Variants in SPEG observed in about 807,000 individuals in gnomAD.
SPEG encodes the protein striated muscle preferentially expressed protein kinase.
Under a neutral mutation model 300.4 loss-of-function variants are expected in SPEG, and 114 were observed. The observed-to-expected ratio is 0.38, with a 90% CI of 0.33 to 0.44. The LOEUF is 0.44. Ranked by LOEUF, SPEG falls within the 20% of genes least tolerant of loss-of-function variation. The pLI is 1.00. For synonymous variants in SPEG, 1,964 were observed against 2,018.9 expected, an observed-to-expected ratio of 0.97 and a Z score of 0.73; for missense variants, 4,201 against 4,586.2, an observed-to-expected ratio of 0.92 and a Z score of 2.43.
chr2:219,483,174 T>G lies in SPEG; in HGVS notation c.5711T>G (p.Val1904Gly). 6.2e-7 allele frequency: 1 copy of G among 1,609,400 alleles called. No homozygotes were observed. Among genetic ancestry groups the G allele is most frequent in the South Asian group, 1.1e-5 (1 of 90,756 alleles). Residue 1904 changes from valine to glycine, a missense_variant, in exon 30 of 41, where the codon GTG becomes GGG. Physicochemically the swap from Val to Gly is moderately radical, Grantham distance 109 (BLOSUM62 -3). Coordinates refer to ENST00000312358, the MANE Select transcript of SPEG (RefSeq NM_005876.5). The part of the protein sequence containing the change: ...PELLRAPPER[V>G]WVTMPRRPPP... ...CTGCTGCGGGCCCCCCCAGAGCGGG[T>G]GTGGGTGACCATGCCCAGAAGGCCA...
rs1689468574 is a variant in SPEG, at chr2:219,448,258, G to C, written c.1100G>C (p.Gly367Ala). Residue 367 changes from glycine (G) to alanine (A), a missense_variant, in exon 4 of 41, where the codon GGC becomes GCC. Gly to Ala is a moderately conservative substitution (Grantham distance 60). Around this residue, in one of 4 missense-constraint regions of SPEG, gnomAD observed 1,258 missense variants for 1,293.9 expected, o/e 0.97. Coordinates refer to ENST00000312358, the MANE Select transcript of SPEG (RefSeq NM_005876.5). The stretch of plus-strand genomic sequence containing the variant: ...AAGTCGTCCGGGCCCTCCCTGGCGG[G>C]CACCGCGGAATCCCGACCCCAGACG... ...KSKSSGPSLA[G>A]TAESRPQTPL... 1 of 1,612,184 alleles carries C rather than the reference G, an allele frequency of 6.2e-7. No homozygotes were observed. Among genetic ancestry groups the C allele is most frequent in the Non-Finnish European group, 8.5e-7 (1 of 1,179,550 alleles).
At chr2:219,485,138 G>A in intron 30 of SPEG, 66 bp downstream of exon 30, 3 of 1,519,402 alleles carry the variant, frequency 2.0e-6, no homozygotes, top group South Asian at 1.2e-5. Context: ...GAGAGGCTGT[G>A]GGAGGAGCAG....
chr2:219,471,122 G>A (rs1009704224), intron 13 of SPEG, among the ~76,000 whole-genome samples: 1 of 152,110 alleles, frequency 6.6e-6, no homozygotes, highest in Non-Finnish European at 1.5e-5. Flanking sequence ...AGAGGGTTGG[G>A]GTCCTGGGAG....
Position 219,492,189 on chromosome 2 carries a change from C to T in SPEG, c.9540C>T (p.Ala3180=). The T allele has an allele frequency of 1.2e-6, 2 of 1,613,768 alleles. No individual in the cohort carries two copies. Among genetic ancestry groups the T allele is most frequent in the African/African-American group, 1.3e-5 (1 of 75,040 alleles). The change falls in exon 40 of 41, where the codon GCC becomes GCT. Residue 3180 remains alanine (A), a synonymous_variant. Coordinates refer to ENST00000312358, the MANE Select transcript of SPEG (RefSeq NM_005876.5). ...EARIVGGRFD[A]FQLYPNTSQS... The stretch of plus-strand genomic sequence containing the variant: ...GGATTGTGGGGGGCCGCTTTGATGC[C>T]TTCCAGCTGTACCCCAATACATCCC...
chr2:219,471,777 G>C, intron 13 of SPEG, 91 bp from the exon 14 acceptor site: 3 of 1,524,280 alleles, frequency 2.0e-6, no homozygotes, highest in Non-Finnish European at 2.7e-6. Context: ...GCAGTGGATG[G>C]GGGTGAGGGA....
Position 219,484,210 on chromosome 2 carries a change from T to G in SPEG, c.6747T>G (p.Ile2249Met). The change falls in exon 30 of 41, where the codon ATT (isoleucine) becomes ATG (methionine). Residue 2249 changes from isoleucine (I) to methionine (M), a missense_variant. Coordinates refer to ENST00000312358, the MANE Select transcript of SPEG (RefSeq NM_005876.5). The stretch of plus-strand genomic sequence containing the variant: ...CCCTCACACCCTATGCTCAGATCAT[T>G]CAGTCCCTCCAGCTGTCAGGCCACG... ...ALPLTPYAQI[I>M]QSLQLSGHAQ... is the part of the protein sequence containing the mutation. 6.2e-7 allele frequency: 1 copy of G among 1,611,266 alleles called. No homozygotes were observed. Among genetic ancestry groups the G allele is most frequent in the Middle Eastern group, 1.7e-4 (1 of 6,054 alleles).
At chr2:219,457,632 G>C (rs1690295985) in intron 6 of SPEG, among the ~76,000 whole-genome samples, 1 of 152,188 alleles carries the variant, frequency 6.6e-6, no homozygotes, top group East Asian at 1.9e-4. Context: ...AGTCCGCCTT[G>C]CCTACAGAGT....
Position 219,449,055 on chromosome 2 carries a change from C to A in SPEG, c.1897C>A (p.Pro633Thr), listed in dbSNP as rs1381903562. Residue 633 changes from proline (P) to threonine (T), a missense_variant, in exon 4 of 41, where the codon CCC becomes ACC. This residue lies in a region of SPEG where 1,258 missense variants were observed against 1,293.9 expected (regional missense o/e 0.97). Transcript: ENST00000312358. ...TKAPPGRKREPPAQAVRFLPW... is the reference protein window; with the variant it reads ...TKAPPGRKRETPAQAVRFLPW... ...AGCACCCCCCGGTCGGAAGCGGGAGCCCCCGGCGCAGGCCGTGCGCTTCCT... is the reference window on the plus strand; with the variant it reads ...AGCACCCCCCGGTCGGAAGCGGGAGACCCCGGCGCAGGCCGTGCGCTTCCT... 2 of 1,516,584 alleles carry A rather than the reference C, an allele frequency of 1.3e-6. No individual in the cohort carries two copies. 93.9% of individuals were successfully genotyped at this position (1,516,584 alleles called of 1,614,324 possible). A position where few individuals can be genotyped will look rare whatever the true frequency, so the allele number is the denominator to read the frequency against.
rs1043335701 is a variant in SPEG, at chr2:219,485,059, G to A, written c.7596G>A (p.Thr2532=). 1.6e-5 allele frequency: 24 copies of A among 1,532,606 alleles called. No individual in the cohort carries two copies. Among genetic ancestry groups the A allele is most frequent in the Non-Finnish European group, 2.1e-5 (24 of 1,146,032 alleles). 94.9% of individuals were successfully genotyped at this position (1,532,606 alleles called of 1,614,324 possible). Residue 2532 remains threonine (T), a synonymous_variant, in exon 30 of 41, where the codon ACG becomes ACA. Transcript: ENST00000312358. ...AESLGSEASA[T]SGSSAPGESR... is the part of the protein sequence containing the mutation. ...CCCTGGGCTCCGAGGCCAGCGCCAC[G>A]TCGGGCTCCTCAGGTGAGGAGGGGC...
Position 219,461,979 on chromosome 2 carries a change from A to G in SPEG, c.2538A>G (p.Arg846=), listed in dbSNP as rs767522972. The part of the protein sequence containing the change: ...EFPEPGETWP[R]TPTMKPSPSQ... ...CAGAGCCTGGGGAGACCTGGCCGCGAACCCCCACCATGAAGCCCAGTCCCA... is the reference window on the plus strand; with the variant it reads ...CAGAGCCTGGGGAGACCTGGCCGCGGACCCCCACCATGAAGCCCAGTCCCA... Residue 846 remains arginine (R), a synonymous_variant, in exon 7 of 41, where the codon CGA becomes CGG. Transcript: ENST00000312358. 1 of 1,611,244 alleles carries G rather than the reference A, an allele frequency of 6.2e-7. No homozygotes were observed. The highest frequency in any genetic ancestry group is 1.7e-5 in the Admixed American group (1 of 59,964).
In SPEG at chr2:219,485,493, C is replaced by A. The variant is rs1394701980; in HGVS notation, c.7741+16C>A. ...AGTGAGTCAGGTAATAAGAGGCCTG[C>A]TGGGTGAGGACCCTCCTCCCCTCCT... On this transcript the variant is annotated intron_variant, in intron 31 of 40. Coordinates refer to ENST00000312358, the MANE Select transcript of SPEG (RefSeq NM_005876.5). 1.9e-6 allele frequency: 3 copies of A among 1,541,920 alleles called. No individual in the cohort carries two copies. The highest frequency in any genetic ancestry group is 2.4e-5 in the East Asian group (1 of 41,296).
At position 219,491,711 on chromosome 2, in the gene SPEG, T is replaced by C. The variant is rs1693986849; in HGVS notation, c.9386-83T>C. The C allele has an allele frequency of 1.2e-5, 13 of 1,062,860 alleles. 1 individual carries two copies. In the South Asian group the frequency reaches 1.7e-4, roughly 14 times the overall value. 65.8% of individuals were successfully genotyped at this position (1,062,860 alleles called of 1,614,324 possible). A position where few individuals can be genotyped will look rare whatever the true frequency, so the allele number is the denominator to read the frequency against. Reference sequence around the variant, plus strand: ...TCTGGTGACCAGGACATTGTCCTGCTGCTCAAGCACCCAGGGACCTCCCCC... The same window carrying C: ...TCTGGTGACCAGGACATTGTCCTGCCGCTCAAGCACCCAGGGACCTCCCCC... On this transcript the variant is annotated intron_variant, in intron 38 of 40. Coordinates refer to ENST00000312358, the MANE Select transcript of SPEG (RefSeq NM_005876.5).
At chr2:219,461,017 G>T in intron 6 of SPEG, 1 of 983,342 alleles carries the variant, frequency 1.0e-6, no homozygotes, top group Non-Finnish European at 1.2e-6. Context: ...GTACAGCCCT[G>T]CTGGGGGCTT....
chr2:219,481,379 C>T lies in SPEG; in HGVS notation c.5445C>T (p.Ala1815=), dbSNP rs749517419. The change falls in exon 27 of 41, where the codon GCC becomes GCT. Residue 1815 remains alanine (A), a synonymous_variant. Coordinates refer to ENST00000312358, the MANE Select transcript of SPEG (RefSeq NM_005876.5). The surrounding 1 kb of genome is among the most constrained non-coding windows in gnomAD (Gnocchi z 5.4). ...TGAACATCCGAAACTACAACGTGGC[C>T]TTCGAGGAGACCACATTCCTGAGCC... is the stretch of plus-strand genomic sequence containing the variant. ...TLMNIRNYNV[A]FEETTFLSLS... 1.9e-6 allele frequency: 3 copies of T among 1,614,164 alleles called. No individual in the cohort carries two copies. Among genetic ancestry groups the T allele is most frequent in the East Asian group, 2.2e-5 (1 of 44,884 alleles).
At chr2:219,491,569 C>T (rs1693976315) in intron 38 of SPEG, among the ~76,000 whole-genome samples, 1 of 152,168 alleles carries the variant, frequency 6.6e-6, no homozygotes, top group Non-Finnish European at 1.5e-5. Flanking sequence ...TTCTGGGGAC[C>T]CCGCCATTTT....
At chr2:219,437,051 C>A (rs1954738053) in intron 1 of SPEG, among the ~76,000 whole-genome samples, 2 of 152,054 alleles carry the variant, frequency 1.3e-5, no homozygotes, top group African/African-American at 4.8e-5. Context: ...CTTTCACAGG[C>A]AAGGACACTG....
chr2:219,491,043 G>A (rs2125600745), intron 38 of SPEG, 87 bp downstream of exon 38: 2 of 970,710 alleles, frequency 2.1e-6, no homozygotes, highest in Middle Eastern at 3.1e-4. Flanking sequence ...ACTTACATAT[G>A]TGCCACTTAT....
Position 219,472,195 on chromosome 2 carries a change from G to C in SPEG, c.3836-32G>C, listed in dbSNP as rs756799209. The C allele has an allele frequency of 1.0e-5, 16 of 1,606,806 alleles. No individual in the cohort carries two copies. The African/African-American group carries it at 1.7e-4, about 17-fold the overall frequency. On this transcript the variant is annotated intron_variant, in intron 14 of 40. Coordinates refer to ENST00000312358, the MANE Select transcript of SPEG (RefSeq NM_005876.5). ...ATCCTGTGGGGCTGTTGGGCCCTTG[G>C]ACCCAGCAGACATTCGAACTGCGGC... is the stretch of plus-strand genomic sequence containing the variant.
Position 219,435,087 on chromosome 2 carries a change from T to G in SPEG, c.110T>G (p.Val37Gly), listed in dbSNP as rs890556104. 2.7e-6 allele frequency: 4 copies of G among 1,462,266 alleles called. No homozygotes were observed. In the African/African-American group the frequency reaches 6.0e-5, roughly 22 times the overall value. The allele number at this position is 1,462,266 out of a possible 1,614,324, so 90.6% of individuals were successfully genotyped here. ...AKVGAGGGAP[V>G]AVAGAPVFLR... ...GTGGGGGCCGGCGGCGGGGCTCCTG[T>G]GGCCGTGGCCGGGGCGCCAGTCTTC... The change falls in exon 1 of 41, where the codon GTG becomes GGG. Residue 37 changes from valine to glycine, a missense_variant. By Grantham distance (109) the Val-to-Gly change is moderately radical. Transcript: ENST00000312358.
Sources: allele counts gnomAD v4.1 joint callset (sites outside exome capture counted in the v4.1 genomes callset), GRCh38; gene constraint gnomAD v4.1.1; regional missense constraint gnomAD v4.1.1; non-coding constraint Gnocchi (gnomAD v3.1); transcripts MANE v1.5; gene names NCBI Gene and HGNC (gene_info 2026-07-23, HGNC 2026-07-21).